The following VEZT variants were observed in gnomAD, a reference collection of about 807,000 sequenced individuals.
The protein encoded by VEZT is vezatin, adherens junctions transmembrane protein, also known as vezatin.
A neutral mutation model predicts 79.9 loss-of-function variants in VEZT; 39 were observed. The ratio of observed to expected loss-of-function variants is 0.49; its 90% CI spans 0.38 to 0.64. The LOEUF is 0.64. Ranked by LOEUF, VEZT falls within the 30% of genes least tolerant of loss-of-function variation. The pLI, the probability that VEZT is intolerant of heterozygous loss-of-function variation, is 0.00. For missense variants in VEZT, 837 were observed against 893.1 expected, an observed-to-expected ratio of 0.94 and a Z score of 0.80; for synonymous variants, 325 against 327.6, an observed-to-expected ratio of 0.99 and a Z score of 0.09.
chr12:95,234,911 C>G (rs886783008), intron 1 of VEZT, among the ~76,000 whole-genome samples: 4 of 150,570 alleles, frequency 2.7e-5, no homozygotes, highest in Non-Finnish European at 5.9e-5. Flanking sequence ...CATCTTGCAC[C>G]GCCCTTAATC....
rs972626886 is a variant in VEZT, at chr12:95,287,555, G to A, written c.1329-109G>A. Reference sequence around the variant, plus strand: ...TGAGCTCAAGCCATTCACCTGCCTTGGCCTCCCAAAGTGCTGAGATTTAAG... The same window carrying A: ...TGAGCTCAAGCCATTCACCTGCCTTAGCCTCCCAAAGTGCTGAGATTTAAG... On this transcript the variant is annotated intron_variant, in intron 8 of 11. Coordinates refer to ENST00000436874, the MANE Select transcript of VEZT (RefSeq NM_017599.4). 2.0e-5 allele frequency: 21 copies of A among 1,038,220 alleles called. 1 individual carries two copies. Among genetic ancestry groups the A allele is most frequent in the Non-Finnish European group, 2.8e-5 (21 of 759,722 alleles). The allele number at this position is 1,038,220 out of a possible 1,614,324, so 64.3% of individuals were successfully genotyped here. A position where few individuals can be genotyped will look rare whatever the true frequency, so the allele number is the denominator to read the frequency against.
intron 3 of VEZT, 69 bp downstream of exon 3, chr12:95,257,308 A>G: frequency 7.9e-7 from 1 of 1,267,914 alleles, no homozygotes; most frequent in Non-Finnish European, 1.1e-6. Context: ...GGTGAATCAG[A>G]ATTTGTTTTG....
At chr12:95,228,831 C>G (rs1212159642) in intron 1 of VEZT, among the ~76,000 whole-genome samples, 1 of 152,070 alleles carries the variant, frequency 6.6e-6, no homozygotes, top group Non-Finnish European at 1.5e-5. Flanking sequence ...TAGTGAGACC[C>G]TGTCTCTACA....
At chr12:95,285,519 C>T (rs2139416963) in intron 8 of VEZT, among the ~76,000 whole-genome samples, 1 of 152,222 alleles carries the variant, frequency 6.6e-6, no homozygotes, top group South Asian at 2.1e-4. Context: ...ATCCATCCTT[C>T]AATGCTACCT....
In VEZT at chr12:95,235,713, G is replaced by A. The variant is rs1468022285; in HGVS notation, c.37-16227G>A. On this transcript the variant is annotated intron_variant, in intron 1 of 11. Coordinates refer to ENST00000436874, the MANE Select transcript of VEZT (RefSeq NM_017599.4). ...CGGACGGGGCGGCTGGCCGGGCGGGGGGCTGACCCCCACCTCCCTCCCGGA... is the reference window on the plus strand; with the variant it reads ...CGGACGGGGCGGCTGGCCGGGCGGGAGGCTGACCCCCACCTCCCTCCCGGA... Among the ~76,000 whole-genome samples, 826 of 149,888 alleles carry A rather than the reference G, an allele frequency of 5.5e-3. 10 individuals are homozygous for A. Among genetic ancestry groups the A allele is most frequent in the African/African-American group, 0.019 (778 of 40,560 alleles).
At chr12:95,264,554 A>C (rs567669111) in intron 4 of VEZT, among the ~76,000 whole-genome samples, 1 of 152,128 alleles carries the variant, frequency 6.6e-6, no homozygotes, top group Admixed American at 6.5e-5. Flanking sequence ...CTCCTGCCCT[A>C]GCCTCCCAAA....
chr12:95,279,646 C>T (rs2068550299), intron 7 of VEZT, among the ~76,000 whole-genome samples: 1 of 152,194 alleles, frequency 6.6e-6, no homozygotes, highest in Non-Finnish European at 1.5e-5. Context: ...AGCTGGTGTG[C>T]AGTGGTGCAA....
At position 95,299,024 on chromosome 12, in the gene VEZT, T is replaced by C. The variant is rs143251923; in HGVS notation, c.1832-1141T>C. 7.0e-4 allele frequency: 109 copies of C among 154,938 alleles called. 1 individual carries two copies. Among genetic ancestry groups the C allele is most frequent in the Middle Eastern group, 4.2e-3 (8 of 1,926 alleles). The allele number at this position is 154,938 out of a possible 1,614,324, so 9.6% of individuals were successfully genotyped here. A position where few individuals can be genotyped will look rare whatever the true frequency, so the allele number is the denominator to read the frequency against. ...GTGAAAATAAGTAAAAAGCTGCTGATACCATAGAATGCTTTTCCCATGAAA... is the reference window on the plus strand; with the variant it reads ...GTGAAAATAAGTAAAAAGCTGCTGACACCATAGAATGCTTTTCCCATGAAA... On this transcript the variant is annotated intron_variant, in intron 11 of 11. Coordinates refer to ENST00000436874, the MANE Select transcript of VEZT (RefSeq NM_017599.4).
intron 7 of VEZT, among the ~76,000 whole-genome samples, chr12:95,276,815 T>A (rs532264203): frequency 2.1e-4 from 32 of 152,306 alleles, no homozygotes; most frequent in African/African-American, 7.5e-4. Context: ...GTTTTCTTTC[T>A]TTCCTATTAC....
chr12:95,259,822 A>T (rs1054725941), intron 3 of VEZT, among the ~76,000 whole-genome samples: 1 of 152,190 alleles, frequency 6.6e-6, no homozygotes, highest in Non-Finnish European at 1.5e-5. Context: ...TGGTAGTTTG[A>T]TTGTTACCTT....
chr12:95,297,593 C>G (rs892254697), intron 11 of VEZT, among the ~76,000 whole-genome samples: 12 of 152,148 alleles, frequency 7.9e-5, no homozygotes, highest in Non-Finnish European at 1.6e-4. Flanking sequence ...CTTGCAAACT[C>G]TTTGCAGATT....
chr12:95,246,960 A>C (rs966071684), intron 1 of VEZT, among the ~76,000 whole-genome samples: 1 of 152,224 alleles, frequency 6.6e-6, no homozygotes, highest in East Asian at 1.9e-4. Flanking sequence ...CTAATACTTT[A>C]TGAAAAATAA....
chr12:95,240,353 A>T (rs1320263665), intron 1 of VEZT, among the ~76,000 whole-genome samples: 1 of 152,146 alleles, frequency 6.6e-6, no homozygotes, highest in South Asian at 2.1e-4. Context: ...ATAATTTTTT[A>T]AATAAGGAAA....
intron 5 of VEZT, among the ~76,000 whole-genome samples, chr12:95,268,689 T>C (rs2066020375): frequency 6.6e-6 from 1 of 152,168 alleles, no homozygotes; most frequent in Non-Finnish European, 1.5e-5. Context: ...TGATTTACCT[T>C]CCAGATTATG....
At chr12:95,240,336 C>T (rs1007297360) in intron 1 of VEZT, among the ~76,000 whole-genome samples, 7 of 152,048 alleles carry the variant, frequency 4.6e-5, no homozygotes, top group African/African-American at 1.7e-4. Flanking sequence ...TATGTTGACA[C>T]CCCAACATAA....
Position 95,300,411 on chromosome 12 carries a change from A to G in VEZT, c.2078A>G (p.Gln693Arg). The G allele has an allele frequency of 6.2e-7, 1 of 1,614,040 alleles. No homozygotes were observed. Among genetic ancestry groups the G allele is most frequent in the African/African-American group, 1.3e-5 (1 of 75,070 alleles). ...PQGAEERMCY[Q>R]CESEDEPQAD... ...GGAGCAGAAGAAAGAATGTGTTACCAATGTGAGAGTGAAGATGAACCACAA... is the reference window on the plus strand; with the variant it reads ...GGAGCAGAAGAAAGAATGTGTTACCGATGTGAGAGTGAAGATGAACCACAA... The change falls in exon 12 of 12, where the codon CAA (glutamine) becomes CGA (arginine). Residue 693 changes from glutamine (Q) to arginine (R), a missense_variant. Physicochemically the swap from Gln to Arg is conservative, Grantham distance 43. Coordinates refer to ENST00000436874, the MANE Select transcript of VEZT (RefSeq NM_017599.4).
At chr12:95,243,756 A>G (rs2061355303) in intron 1 of VEZT, among the ~76,000 whole-genome samples, 1 of 152,188 alleles carries the variant, frequency 6.6e-6, no homozygotes, top group Admixed American at 6.5e-5. Flanking sequence ...CTCCACTTTC[A>G]TGGATGGCTT....
chr12:95,284,967 T>A (rs1166013233), intron 8 of VEZT, among the ~76,000 whole-genome samples: 4 of 151,318 alleles, frequency 2.6e-5, no homozygotes, highest in African/African-American at 7.3e-5. Context: ...GCGCCTGTAG[T>A]CCCAGTTACT....
intron 11 of VEZT, 105 bp downstream of exon 11, chr12:95,296,363 G>A: frequency 9.1e-7 from 1 of 1,100,964 alleles, no homozygotes; most frequent in Middle Eastern, 2.2e-4. Context: ...GTTTTATAAG[G>A]GTCCACCAGT....
Sources: gnomAD v4.1 joint callset for allele counts (sites outside exome capture counted in the v4.1 genomes callset) on GRCh38, gnomAD v4.1.1 for gene constraint, MANE v1.5 for transcripts, NCBI Gene and HGNC (gene_info 2026-07-23, HGNC 2026-07-21) for gene names.